TSPEAR: variants seen among roughly 807,000 people sequenced by gnomAD.
The protein encoded by TSPEAR is thrombospondin-type laminin G domain and EAR repeat-containing protein.
A neutral mutation model predicts 71.6 loss-of-function variants in TSPEAR; 69 were observed. The observed-to-expected ratio is 0.96, with a 90% confidence interval of 0.79 to 1.18. The LOEUF is 1.18. Ranked by LOEUF, TSPEAR falls within the 50% of genes most tolerant of loss-of-function variation. The pLI is 0.00. For missense variants in TSPEAR, 971 were observed against 894.9 expected (o/e 1.09, Z -1.09); for synonymous variants, 402 against 387.2 (o/e 1.04, Z -0.45).
At chr21:44,603,335 T>A (rs1273684203) in intron 1 of TSPEAR, among the ~76,000 whole-genome samples, 3 of 152,204 alleles carry the variant, frequency 2.0e-5, no homozygotes, top group Non-Finnish European at 4.4e-5. Flanking sequence ...CATCCCAGGC[T>A]TTGCGTCACT....
chr21:44,499,815 G>T lies in TSPEAR; in HGVS notation c.1978C>A (p.Leu660Ile). The change falls in exon 12 of 12, where the codon CTC becomes ATC. Residue 660 changes from leucine to isoleucine, a missense_variant. Leu to Ile is a conservative substitution (Grantham distance 5). Transcript: ENST00000323084. ...GTCCTCAGCCGCAGGACCCTGGAGA[G>T]GGGCTCCTTGGCGCTGGAGTAGATG... ...YLIYSSAKEP[L>I]SRVLRLRTR is the part of the protein sequence containing the mutation. 4 of 1,579,268 alleles carry T rather than the reference G, an allele frequency of 2.5e-6. No individual in the cohort carries two copies. Among genetic ancestry groups the T allele is most frequent in the Non-Finnish European group, 3.4e-6 (4 of 1,163,754 alleles).
intron 2 of TSPEAR, chr21:44,558,502 T>A: frequency 6.2e-7 from 1 of 1,613,832 alleles, no homozygotes; most frequent in Non-Finnish European, 8.5e-7. Flanking sequence ...CAGGAGCTGG[T>A]GCAGCCTGAC....
intron 11 of TSPEAR, 100 bp downstream of exon 11, chr21:44,504,680 C>T (rs1601318943): frequency 3.8e-6 from 2 of 528,402 alleles, no homozygotes; most frequent in East Asian, 6.2e-5. Context: ...CTCGGTGAGC[C>T]CACAGTGGGG....
chr21:44,615,924 GC>G (rs781986726), intron 1 of TSPEAR, among the ~76,000 whole-genome samples: 2 of 152,186 alleles, frequency 1.3e-5, no homozygotes, highest in Non-Finnish European at 2.9e-5. Context: ...AGGAAAACAC[GC>G]CCATGAGACA....
chr21:44,543,050 T>C (rs1181741361), intron 2 of TSPEAR, among the ~76,000 whole-genome samples: 2 of 151,548 alleles, frequency 1.3e-5, no homozygotes, highest in Non-Finnish European at 2.9e-5. Flanking sequence ...GGGAAGAAGA[T>C]TCCCCCAAAT....
At chr21:44,582,286 C>T (rs1979032182) in intron 1 of TSPEAR, among the ~76,000 whole-genome samples, 2 of 152,174 alleles carry the variant, frequency 1.3e-5, no homozygotes, top group South Asian at 4.1e-4. Flanking sequence ...GACAGCTGGC[C>T]GGCAGTGAAC....
intron 1 of TSPEAR, among the ~76,000 whole-genome samples, chr21:44,682,934 CTGTGGAACG>C (rs1555948329): frequency 6.6e-6 from 1 of 152,148 alleles, no homozygotes; most frequent in Non-Finnish European, 1.5e-5. Flanking sequence ...GACTGTGAAT[CTGTGGAACG>C]GGGCAGGGCT....
At chr21:44,505,834 C>T (rs1258206561) in intron 10 of TSPEAR, among the ~76,000 whole-genome samples, 1 of 152,060 alleles carries the variant, frequency 6.6e-6, no homozygotes, top group East Asian at 1.9e-4. Context: ...GAATTTCCTC[C>T]ATGTGGCTAC....
At chr21:44,607,493 T>C (rs1234114894) in intron 1 of TSPEAR, among the ~76,000 whole-genome samples, 1 of 152,124 alleles carries the variant, frequency 6.6e-6, no homozygotes, top group African/African-American at 2.4e-5. Context: ...ATGAATGAAA[T>C]AAAAATAATG....
intron 10 of TSPEAR, 196 bp downstream of exon 10, chr21:44,509,003 C>T: frequency 1.3e-6 from 2 of 1,504,190 alleles, no homozygotes; most frequent in Non-Finnish European, 1.8e-6. Flanking sequence ...CTCAGGGCGG[C>T]ACTGACTTCC....
intron 1 of TSPEAR, among the ~76,000 whole-genome samples, chr21:44,594,822 A>ATTTTT (rs34221889): frequency 0.039 from 4,858 of 125,392 alleles, 473 homozygotes; most frequent in African/African-American, 0.14. Flanking sequence ...CGGATCTGTG[A>ATTTTT]TTTTTTTTTT....
Position 44,631,438 on chromosome 21 carries a change from C to T in TSPEAR, c.83-63433G>A, listed in dbSNP as rs373338831. Reference sequence around the variant, plus strand: ...GAAGGGCATAAAAACAAAAAGAGGCCGAGCGTGATGGCTCACACCTGTAAT... The same window carrying T: ...GAAGGGCATAAAAACAAAAAGAGGCTGAGCGTGATGGCTCACACCTGTAAT... On this transcript the variant is annotated intron_variant, in intron 1 of 11. Coordinates refer to ENST00000323084, the MANE Select transcript of TSPEAR (RefSeq NM_144991.3). 3.3e-5 allele frequency among the ~76,000 whole-genome samples: 5 copies of T among 152,206 alleles called. 1 individual carries two copies. Among genetic ancestry groups the T allele is most frequent in the Non-Finnish European group, 1.5e-5 (1 of 68,020 alleles).
intron 1 of TSPEAR, among the ~76,000 whole-genome samples, chr21:44,706,931 C>G (rs779650541): frequency 2.2e-4 from 34 of 152,212 alleles, no homozygotes; most frequent in Non-Finnish European, 4.3e-4. Context: ...AGTGAGCCAT[C>G]GAGAGATGGG....
chr21:44,569,186 T>C (rs1569191103), intron 1 of TSPEAR, among the ~76,000 whole-genome samples: 1 of 152,130 alleles, frequency 6.6e-6, no homozygotes, highest in Non-Finnish European at 1.5e-5. Context: ...TGTGAGCACC[T>C]GGGATGGAGC....
intron 1 of TSPEAR, chr21:44,647,209 G>A (rs1555940304): frequency 4.3e-6 from 7 of 1,613,304 alleles, no homozygotes; most frequent in South Asian, 1.1e-5. Context: ...CACCTGCTGT[G>A]TGCCCGTCTC....
intron 1 of TSPEAR, among the ~76,000 whole-genome samples, chr21:44,583,224 G>A (rs587633000): frequency 2.6e-5 from 4 of 152,220 alleles, no homozygotes; most frequent in Admixed American, 1.3e-4. Flanking sequence ...GCCCTGGCTG[G>A]GGGAGGGAGG....
intron 1 of TSPEAR, among the ~76,000 whole-genome samples, chr21:44,624,526 C>T (rs1184359636): frequency 1.3e-5 from 2 of 152,196 alleles, no homozygotes; most frequent in East Asian, 3.8e-4. Flanking sequence ...GAAGAGATCA[C>T]TTTTGTTTCT....
chr21:44,678,871 A>G (rs1986447324), intron 1 of TSPEAR, among the ~76,000 whole-genome samples: 1 of 152,230 alleles, frequency 6.6e-6, no homozygotes, highest in Non-Finnish European at 1.5e-5. Context: ...GCAATCCATG[A>G]AGGCTAAAAC....
intron 1 of TSPEAR, chr21:44,676,978 C>T (rs1260267814): frequency 6.4e-6 from 6 of 932,382 alleles, no homozygotes; most frequent in Middle Eastern, 2.2e-4. Context: ...GTCCGAAACG[C>T]TCATTCCTTT....
Sources: allele counts gnomAD v4.1 joint callset (sites outside exome capture counted in the v4.1 genomes callset), GRCh38; gene constraint gnomAD v4.1.1; transcripts MANE v1.5; gene names NCBI Gene and HGNC (gene_info 2026-07-23, HGNC 2026-07-21).